BTBD9: variants seen among roughly 807,000 people sequenced by gnomAD.
BTBD9 encodes the protein BTB domain containing 9, also known as BTB/POZ domain-containing protein 9.
Under a neutral mutation model 64.3 loss-of-function variants are expected in BTBD9, and 49 were observed. The observed-to-expected ratio is 0.76, with a 90% CI of 0.61 to 0.97. The LOEUF (loss-of-function observed/expected upper bound fraction) is 0.97, where lower values mean the gene tolerates loss of function less well. BTBD9 is among the 50% of genes least tolerant of loss of function. The probability of loss-of-function intolerance (pLI) is 0.00; values close to 1 mark genes in which losing one functional copy is unlikely to be tolerated. For missense variants in BTBD9, 598 were observed against 762.1 expected (o/e 0.78, Z 2.53); for synonymous variants, 260 against 274.7 (o/e 0.95, Z 0.53).
chr6:38,453,292 T>C (rs1194062869), intron 6 of BTBD9, among the ~76,000 whole-genome samples: 1 of 152,218 alleles, frequency 6.6e-6, no homozygotes. Context: ...GGTTTCATTA[T>C]GGATTTCTAT....
chr6:38,546,598 G>A (rs962329434), intron 6 of BTBD9, among the ~76,000 whole-genome samples: 18 of 152,104 alleles, frequency 1.2e-4, no homozygotes, highest in African/African-American at 3.4e-4. Flanking sequence ...ACTCTGTCAC[G>A]TTTCAGTAAC....
chr6:38,386,505 A>G (rs779094338), intron 6 of BTBD9, among the ~76,000 whole-genome samples: 1 of 152,128 alleles, frequency 6.6e-6, no homozygotes, highest in Non-Finnish European at 1.5e-5. Context: ...AGGCTCATTT[A>G]GCAGGTGCTG....
chr6:38,288,130 G>T, intron 8 of BTBD9, 142 bp downstream of exon 8: 1 of 867,192 alleles, frequency 1.2e-6, no homozygotes, highest in Non-Finnish European at 1.7e-6. Flanking sequence ...CCTTCCTTCG[G>T]CTCCCACTCC....
intron 6 of BTBD9, among the ~76,000 whole-genome samples, chr6:38,416,120 C>A (rs1024378692): frequency 6.6e-6 from 1 of 152,120 alleles, no homozygotes; most frequent in Non-Finnish European, 1.5e-5. Flanking sequence ...GAGAAAAACA[C>A]TTCTGATTAG....
At chr6:38,487,628 A>C (rs1217132398) in intron 6 of BTBD9, among the ~76,000 whole-genome samples, 1 of 149,826 alleles carries the variant, frequency 6.7e-6, no homozygotes. Context: ...AGAGAGAAGG[A>C]AGGAAAGAAA....
intron 7 of BTBD9, among the ~76,000 whole-genome samples, chr6:38,326,124 A>G (rs925830339): frequency 2.6e-5 from 4 of 152,190 alleles, no homozygotes; most frequent in South Asian, 2.1e-4. Flanking sequence ...ACTTAAAGGT[A>G]TAACAGAAGG....
chr6:38,198,713 A>G (rs139846249), intron 9 of BTBD9, among the ~76,000 whole-genome samples: 2 of 152,258 alleles, frequency 1.3e-5, no homozygotes, highest in African/African-American at 4.8e-5. Context: ...ACTGGCAAGT[A>G]AACACAGCAA....
intron 6 of BTBD9, among the ~76,000 whole-genome samples, chr6:38,467,981 A>C (rs1050902586): frequency 1.3e-5 from 2 of 152,228 alleles, no homozygotes; most frequent in Non-Finnish European, 2.9e-5. Flanking sequence ...CACATGTTTA[A>C]AGTGGCTCTA....
At chr6:38,409,166 C>T (rs1225398247) in intron 6 of BTBD9, among the ~76,000 whole-genome samples, 1 of 152,154 alleles carries the variant, frequency 6.6e-6, no homozygotes, top group Admixed American at 6.5e-5. Flanking sequence ...AGGAGAATCG[C>T]TTGAACTAGG....
chr6:38,216,809 C>T (rs1390491678), intron 9 of BTBD9, among the ~76,000 whole-genome samples: 3 of 152,116 alleles, frequency 2.0e-5, no homozygotes, highest in Non-Finnish European at 4.4e-5. Context: ...GGTGTGCATC[C>T]ACAAGTGATT....
At chr6:38,252,692 C>T (rs1469354066) in intron 9 of BTBD9, among the ~76,000 whole-genome samples, 2 of 152,080 alleles carry the variant, frequency 1.3e-5, no homozygotes, top group African/African-American at 2.4e-5. Context: ...TAATGCAAAG[C>T]TACTAGAAGA....
chr6:38,604,620 T>C (rs1269081323), intron 1 of BTBD9, among the ~76,000 whole-genome samples: 1 of 152,218 alleles, frequency 6.6e-6, no homozygotes, highest in Non-Finnish European at 1.5e-5. Context: ...AGGGTGGCTA[T>C]GATTTTATGA....
At chr6:38,492,676 T>C (rs1011608038) in intron 6 of BTBD9, among the ~76,000 whole-genome samples, 2 of 152,230 alleles carry the variant, frequency 1.3e-5, no homozygotes, top group African/African-American at 4.8e-5. Context: ...TGTATAATAT[T>C]GACATTTTAT....
At chr6:38,242,921 C>T (rs1204332763) in intron 9 of BTBD9, among the ~76,000 whole-genome samples, 1 of 152,150 alleles carries the variant, frequency 6.6e-6, no homozygotes, top group Non-Finnish European at 1.5e-5. Context: ...ACCCAAGAAA[C>T]AGTAAATGTA....
intron 6 of BTBD9, among the ~76,000 whole-genome samples, chr6:38,438,200 A>AAAGGAGGAAAGG (rs1256647275): frequency 5.5e-5 from 6 of 109,378 alleles, no homozygotes; most frequent in African/African-American, 2.0e-4. Flanking sequence ...GGAAAGGAGG[A>AAAGGAGGAAAGG]AAGGAAGGAG....
intron 6 of BTBD9, among the ~76,000 whole-genome samples, chr6:38,576,626 CCA>C (rs1416943659): frequency 6.6e-6 from 1 of 152,138 alleles, no homozygotes; most frequent in Non-Finnish European, 1.5e-5. Flanking sequence ...TCCCAATCAG[CCA>C]CAGTGGGAGA....
At chr6:38,610,545 T>C (rs577234239) in intron 1 of BTBD9, among the ~76,000 whole-genome samples, 6 of 152,290 alleles carry the variant, frequency 3.9e-5, no homozygotes, top group Admixed American at 2.6e-4. Flanking sequence ...CTGTGGTGGA[T>C]AGAATCTTAC....
rs1766620844 is a variant in BTBD9 at position 38,168,712 on chromosome 6, C to G, written c.*6273G>C. On this transcript the variant is annotated 3_prime_UTR_variant, in exon 11 of 11. Coordinates refer to ENST00000481247, the MANE Select transcript of BTBD9 (RefSeq NM_001099272.2). ...CCTGGCATGGTCCCTGCCCTTGCATCAGAGTGGCCTGGGAGGTACACACAT... is the reference window on the plus strand; with the variant it reads ...CCTGGCATGGTCCCTGCCCTTGCATGAGAGTGGCCTGGGAGGTACACACAT... The G allele has an allele frequency of 6.6e-6, 1 of 152,266 alleles. No homozygotes were observed. The highest frequency in any genetic ancestry group is 2.4e-5 in the African/African-American group (1 of 41,464). 9.4% of individuals were successfully genotyped at this position (152,266 alleles called of 1,614,324 possible).
chr6:38,521,014 T>C (rs1264487920), intron 6 of BTBD9, among the ~76,000 whole-genome samples: 1 of 151,958 alleles, frequency 6.6e-6, no homozygotes, highest in Non-Finnish European at 1.5e-5. Context: ...ATAAATGATC[T>C]AAATATTCAT....
Sources: allele counts gnomAD v4.1 joint callset (sites outside exome capture counted in the v4.1 genomes callset), GRCh38; gene constraint gnomAD v4.1.1; transcripts MANE v1.5; gene names NCBI Gene and HGNC (gene_info 2026-07-23, HGNC 2026-07-21).